Variants in TENM4 observed in about 807,000 individuals in gnomAD.
The protein encoded by TENM4 is teneurin transmembrane protein 4, also known as teneurin-4.
Under a neutral mutation model 243.3 loss-of-function variants are expected in TENM4, and 82 were observed. That is an observed-to-expected ratio of 0.34 (90% CI 0.28 to 0.40). The LOEUF is 0.40. Among genes scored for constraint, TENM4 ranks in the 10% least tolerant of loss-of-function variants. The pLI is 1.00. For missense variants in TENM4, 3,138 were observed against 3,673.3 expected, an observed-to-expected ratio of 0.85 and a Z score of 3.77; for synonymous variants, 1,412 against 1,456.3, an observed-to-expected ratio of 0.97 and a Z score of 0.69.
intron 4 of TENM4, among the ~76,000 whole-genome samples, chr11:79,086,835 CAAAAAAAAAA>C (rs371315703): frequency 1.1e-5 from 1 of 89,098 alleles, no homozygotes; most frequent in Non-Finnish European, 2.1e-5. Context: ...CTCTGTCTCG[CAAAAAAAAAA>C]AAAAAAAAGG....
chr11:78,727,571 A>G (rs1225327954), intron 22 of TENM4, among the ~76,000 whole-genome samples: 2 of 152,174 alleles, frequency 1.3e-5, no homozygotes, highest in African/African-American at 4.8e-5. Flanking sequence ...AAATTAGGAA[A>G]AATGTTTAAA....
chr11:78,711,616 G>A lies in TENM4; in HGVS notation c.4054+866C>T, dbSNP rs529674645. On this transcript the variant is annotated intron_variant, in intron 26 of 33. Coordinates refer to ENST00000278550, the MANE Select transcript of TENM4 (RefSeq NM_001098816.3). The stretch of plus-strand genomic sequence containing the variant: ...CAGAATAAACCTAGGAGGTAGACAC[G>A]GATGGCATTATTACCCCCATTCTAT... Among the ~76,000 whole-genome samples the A allele has an allele frequency of 1.2e-4, 18 of 152,242 alleles. No homozygotes were observed. The South Asian group carries it at 1.9e-3, about 16-fold the overall frequency.
At chr11:79,087,563 T>C (rs942389751) in intron 4 of TENM4, among the ~76,000 whole-genome samples, 8 of 152,120 alleles carry the variant, frequency 5.3e-5, no homozygotes, top group African/African-American at 1.9e-4. Flanking sequence ...CAAAAAACCA[T>C]CTAACAAACA....
chr11:79,249,731 C>T (rs1215950456), intron 2 of TENM4, among the ~76,000 whole-genome samples: 1 of 152,192 alleles, frequency 6.6e-6, no homozygotes. Context: ...ATCTGTCACT[C>T]CCTAGCTATG....
At chr11:78,772,012 CA>C (rs1352619309) in intron 17 of TENM4, among the ~76,000 whole-genome samples, 1 of 152,014 alleles carries the variant, frequency 6.6e-6, no homozygotes, top group Non-Finnish European at 1.5e-5. Context: ...TTTATGTAGG[CA>C]AAAAATTTAA....
chr11:78,749,898 C>T (rs1333671307), intron 19 of TENM4, among the ~76,000 whole-genome samples: 1 of 152,146 alleles, frequency 6.6e-6, no homozygotes, highest in African/African-American at 2.4e-5. Context: ...CTTTTCTGGC[C>T]TCATAGTTCC....
chr11:79,426,226 T>A (rs902818612), intron 1 of TENM4, among the ~76,000 whole-genome samples: 6 of 152,200 alleles, frequency 3.9e-5, no homozygotes, highest in Non-Finnish European at 7.3e-5. Context: ...AAAGATGGTG[T>A]GTATCTTGTT....
At chr11:78,912,283 C>T (rs1856205856) in intron 6 of TENM4, among the ~76,000 whole-genome samples, 1 of 152,224 alleles carries the variant, frequency 6.6e-6, no homozygotes, top group South Asian at 2.1e-4. Flanking sequence ...GAGACAGAGT[C>T]TTGCTCTGTT....
chr11:79,140,123 T>C (rs928502604), intron 4 of TENM4, among the ~76,000 whole-genome samples: 39 of 151,882 alleles, frequency 2.6e-4, no homozygotes, highest in Non-Finnish European at 8.8e-5. Flanking sequence ...TCTCCCTATA[T>C]GCCTCCTCAA....
chr11:79,207,647 T>C (rs1271187395), intron 3 of TENM4, among the ~76,000 whole-genome samples: 2 of 151,872 alleles, frequency 1.3e-5, no homozygotes, highest in African/African-American at 4.8e-5. Flanking sequence ...GGTGGATTGC[T>C]TGAGCTCAGG....
rs937932281 is a variant in TENM4 at position 78,890,031 on chromosome 11, A to G, written c.849-11T>C. 5.9e-6 allele frequency: 9 copies of G among 1,523,252 alleles called. No homozygotes were observed. In the African/African-American group the frequency reaches 1.2e-4, roughly 21 times the overall value. 94.4% of individuals were successfully genotyped at this position (1,523,252 alleles called of 1,614,324 possible). A position where few individuals can be genotyped will look rare whatever the true frequency, so the allele number is the denominator to read the frequency against. On this transcript the variant is annotated splice_polypyrimidine_tract_variant and intron_variant, in intron 8 of 33. Coordinates refer to ENST00000278550, the MANE Select transcript of TENM4 (RefSeq NM_001098816.3). ...TTGAAGAGGAAGTGCCTGCAGATGG[A>G]GAGCAGCAAGAGGGTGTCAGGGGCT...
intron 27 of TENM4, among the ~76,000 whole-genome samples, chr11:78,706,659 C>T (rs961497343): frequency 6.6e-6 from 1 of 152,196 alleles, no homozygotes; most frequent in Non-Finnish European, 1.5e-5. Flanking sequence ...TTTTCCCCCT[C>T]CGCCATATGC....
chr11:78,992,551 G>A (rs1033866711), intron 6 of TENM4, among the ~76,000 whole-genome samples: 3 of 152,228 alleles, frequency 2.0e-5, no homozygotes, highest in African/African-American at 7.2e-5. Flanking sequence ...GTGGTGGTAT[G>A]TGAACTCATT....
intron 6 of TENM4, among the ~76,000 whole-genome samples, chr11:78,906,465 G>T (rs1281488747): frequency 6.6e-6 from 1 of 152,210 alleles, no homozygotes; most frequent in Non-Finnish European, 1.5e-5. Flanking sequence ...GACTAATGGG[G>T]ACACCAGGCT....
chr11:79,344,244 C>T (rs1342619593), intron 1 of TENM4, among the ~76,000 whole-genome samples: 1 of 152,152 alleles, frequency 6.6e-6, no homozygotes, highest in African/African-American at 2.4e-5. Context: ...AGTTTTTCAA[C>T]CATTACTCAC....
At chr11:78,825,634 A>C (rs1175393685) in intron 12 of TENM4, among the ~76,000 whole-genome samples, 1 of 152,234 alleles carries the variant, frequency 6.6e-6, no homozygotes, top group Non-Finnish European at 1.5e-5. Context: ...CTTGTGGACC[A>C]GTTCCAAAGA....
intron 6 of TENM4, among the ~76,000 whole-genome samples, chr11:79,010,585 G>A (rs1858619501): frequency 6.6e-6 from 1 of 152,170 alleles, no homozygotes; most frequent in African/African-American, 2.4e-5. Context: ...AAGCAAGGAG[G>A]AGCAAGTCAC....
rs1565280914 is a variant in TENM4 at position 79,279,654 on chromosome 11, A to G, written c.-265+17834T>C. 2.0e-5 allele frequency among the ~76,000 whole-genome samples: 3 copies of G among 151,840 alleles called. No individual in the cohort carries two copies. In the South Asian group the frequency reaches 6.2e-4, roughly 32 times the overall value. On this transcript the variant is annotated intron_variant, in intron 2 of 33. Coordinates refer to ENST00000278550, the MANE Select transcript of TENM4 (RefSeq NM_001098816.3). ...CCCCATAGCTGCCTCTCTACTCTTT[A>G]TTCCTGTTCCACTGAGCCTCTCCCC...
rs545118578 is a variant in TENM4, at chr11:79,428,924, C to G, written c.-321+11585G>C. On this transcript the variant is annotated intron_variant, in intron 1 of 33. Transcript: ENST00000278550. ...TCAAGCCTGCTGTACCTTAGAATCA[C>G]CTGGGCAGCTTTACAGAGTTCTGAT... Among the ~76,000 whole-genome samples the G allele has an allele frequency of 2.6e-5, 4 of 152,294 alleles. No homozygotes were observed. The East Asian group carries it at 7.7e-4, about 29-fold the overall frequency.
Sources: gnomAD v4.1 joint callset for allele counts (sites outside exome capture counted in the v4.1 genomes callset) on GRCh38, gnomAD v4.1.1 for gene constraint, MANE v1.5 for transcripts, NCBI Gene and HGNC (gene_info 2026-07-23, HGNC 2026-07-21) for gene names.